The following LIMCH1 variants were observed in gnomAD, a reference collection of about 807,000 sequenced individuals.
LIMCH1 encodes LIM and calponin homology domains 1, also known as LIM and calponin homology domains-containing protein 1.
LIMCH1 carries 113 observed loss-of-function variants against 176.5 expected under a neutral mutation model. That is an observed-to-expected ratio of 0.64 (90% CI 0.55 to 0.75). LIMCH1 has a LOEUF of 0.75. Among genes scored for constraint, LIMCH1 ranks in the 30% least tolerant of loss-of-function variants. LIMCH1 has a pLI of 0.00. For missense variants in LIMCH1, 1,674 were observed against 1,814.9 expected, an observed-to-expected ratio of 0.92 and a Z score of 1.41; for synonymous variants, 619 against 645.9, an observed-to-expected ratio of 0.96 and a Z score of 0.63.
intron 18 of LIMCH1, among the ~76,000 whole-genome samples, chr4:41,654,760 G>A (rs1161268216): frequency 6.6e-6 from 1 of 152,118 alleles, no homozygotes; most frequent in African/African-American, 2.4e-5. Flanking sequence ...CCCACCAGAG[G>A]ACCCCAAGAA....
intron 1 of LIMCH1, among the ~76,000 whole-genome samples, chr4:41,450,203 T>C (rs1005973485): frequency 6.6e-6 from 1 of 152,224 alleles, no homozygotes; most frequent in African/African-American, 2.4e-5. Context: ...TTTGATACAC[T>C]TATAATGTCA....
At chr4:41,524,697 G>A (rs1354944393) in intron 3 of LIMCH1, among the ~76,000 whole-genome samples, 1 of 152,176 alleles carries the variant, frequency 6.6e-6, no homozygotes, top group Non-Finnish European at 1.5e-5. Context: ...TGAGTGATAA[G>A]GACCTTCATT....
chr4:41,487,685 G>T, intron 1 of LIMCH1, among the ~76,000 whole-genome samples: 1 of 129,298 alleles, frequency 7.7e-6, no homozygotes. Flanking sequence ...TTGAGACGGA[G>T]TCTCGCTCTG....
intron 1 of LIMCH1, among the ~76,000 whole-genome samples, chr4:41,598,528 T>TA (rs540403661): frequency 0.021 from 3,210 of 149,330 alleles, 67 homozygotes; most frequent in African/African-American, 0.062. Context: ...AAAACCTTTT[T>TA]AAAAAAAAAA....
intron 20 of LIMCH1, among the ~76,000 whole-genome samples, chr4:41,666,344 T>C (rs1392982523): frequency 1.3e-5 from 2 of 152,228 alleles, no homozygotes; most frequent in Non-Finnish European, 2.9e-5. Context: ...GTTTTTACGC[T>C]CATGTTTGAT....
intron 1 of LIMCH1, among the ~76,000 whole-genome samples, chr4:41,362,052 C>T (rs933034924): frequency 2.6e-5 from 4 of 152,162 alleles, no homozygotes; most frequent in Non-Finnish European, 5.9e-5. Context: ...CATTGTGGTT[C>T]CCAAGAAGCT....
In LIMCH1 at chr4:41,680,883, A is replaced by C. The variant is rs550050397; in HGVS notation, c.3613-72A>C. On this transcript the variant is annotated intron_variant, in intron 24 of 31. Coordinates refer to ENST00000503057, the MANE Select transcript of LIMCH1 (RefSeq NM_001330672.2). Reference sequence around the variant, plus strand: ...TTCTGATTTTTTTCTAAAGTGCCTTAATGACATTTTTGTCTTGACAAATAT... The same window carrying C: ...TTCTGATTTTTTTCTAAAGTGCCTTCATGACATTTTTGTCTTGACAAATAT... 132 of 817,840 alleles carry C rather than the reference A, an allele frequency of 1.6e-4. No homozygotes were observed. In the African/African-American group the frequency reaches 2.0e-3, roughly 13 times the overall value. The allele number at this position is 817,840 out of a possible 1,614,324, so 50.7% of individuals were successfully genotyped here.
Position 41,605,904 on chromosome 4 carries a change from C to A in LIMCH1, c.-92C>A, listed in dbSNP as rs1444826654. 5 of 1,611,396 alleles carry A rather than the reference C, an allele frequency of 3.1e-6. No homozygotes were observed. The highest frequency in any genetic ancestry group is 1.7e-5 in the Admixed American group (1 of 60,010). On this transcript the variant is annotated 5_prime_UTR_variant, in exon 4 of 32. Coordinates refer to ENST00000503057, the MANE Select transcript of LIMCH1 (RefSeq NM_001330672.2). Reference sequence around the variant, plus strand: ...CGTTTTGTTCCACAGGTATTAGTTACCATTTACTGGCTGGGAAAAGCAGCA... The same window carrying A: ...CGTTTTGTTCCACAGGTATTAGTTAACATTTACTGGCTGGGAAAAGCAGCA...
At chr4:41,551,993 G>T (rs1476002151) in intron 1 of LIMCH1, among the ~76,000 whole-genome samples, 3 of 152,160 alleles carry the variant, frequency 2.0e-5, no homozygotes, top group Non-Finnish European at 2.9e-5. Flanking sequence ...TTTAATGGAC[G>T]AACAGTTCCG....
upstream of LIMCH1, chr4:41,360,512 C>G (rs1262808112): frequency 6.0e-6 from 1 of 166,888 alleles, no homozygotes; most frequent in Non-Finnish European, 1.3e-5. The surrounding 1 kb of genome is among the most constrained non-coding windows in gnomAD (Gnocchi z 4.5). Flanking sequence ...ACGCAGCGCT[C>G]GCTCCGGGTT....
intron 1 of LIMCH1, among the ~76,000 whole-genome samples, chr4:41,409,439 A>G (rs373590350): frequency 2.0e-5 from 3 of 152,210 alleles, no homozygotes; most frequent in African/African-American, 7.2e-5. Flanking sequence ...TTTGAATGAT[A>G]CACTATTGAG....
chr4:41,383,465 G>A (rs1424251236), intron 1 of LIMCH1, among the ~76,000 whole-genome samples: 1 of 152,194 alleles, frequency 6.6e-6, no homozygotes, highest in East Asian at 1.9e-4. Context: ...TAAAGCCAGG[G>A]ATCTGTGGGC....
At chr4:41,614,316 G>A (rs574245663) in intron 5 of LIMCH1, among the ~76,000 whole-genome samples, 3 of 152,292 alleles carry the variant, frequency 2.0e-5, no homozygotes, top group East Asian at 1.9e-4. Context: ...TTACAAAAAT[G>A]TGTAATCATG....
intron 1 of LIMCH1, among the ~76,000 whole-genome samples, chr4:41,374,534 CTGTGTG>C (rs1488459043): frequency 6.6e-6 from 1 of 151,136 alleles, no homozygotes; most frequent in Non-Finnish European, 1.5e-5. Context: ...ATTTTAAACT[CTGTGTG>C]TGTGTTTAAT....
In LIMCH1 at chr4:41,363,120, C is replaced by G. The variant is rs560899710; in HGVS notation, c.96+2184C>G. Among the ~76,000 whole-genome samples, 5 of 152,298 alleles carry G rather than the reference C, an allele frequency of 3.3e-5. No homozygotes were observed. The South Asian group carries it at 8.3e-4, about 25-fold the overall frequency. On this transcript the variant is annotated intron_variant, in intron 1 of 26. Transcript: ENST00000313860. ...TCCAGGGGAAAGATAGAGACCTCCC[C>G]CTTCCTTCCCAGAGGTTCTTCTTGA...
At chr4:41,456,063 A>C (rs1189695578) in intron 1 of LIMCH1, among the ~76,000 whole-genome samples, 4 of 152,002 alleles carry the variant, frequency 2.6e-5, no homozygotes, top group Non-Finnish European at 5.9e-5. Context: ...TTTTGCCTGC[A>C]TGAGTTCTTG....
intron 15 of LIMCH1, 72 bp downstream of exon 15, chr4:41,644,698 C>T: frequency 6.5e-7 from 1 of 1,538,168 alleles, no homozygotes; most frequent in Non-Finnish European, 8.8e-7. Context: ...GGTGGGTAGA[C>T]GTGGACTTGA....
At chr4:41,632,919 G>A in intron 11 of LIMCH1, 52 bp downstream of exon 11, 1 of 1,529,344 alleles carries the variant, frequency 6.5e-7, no homozygotes, top group Non-Finnish European at 8.8e-7. Context: ...GACAGGTGGG[G>A]TCAGAGCCTC....
intron 4 of LIMCH1, chr4:41,612,657 T>C (rs1388893521): frequency 5.7e-5 from 40 of 702,154 alleles, no homozygotes; most frequent in Non-Finnish European, 1.0e-4. Context: ...TGTTTTAGTA[T>C]GTGCTGCTTG....
Sources: allele counts gnomAD v4.1 joint callset (sites outside exome capture counted in the v4.1 genomes callset), GRCh38; gene constraint gnomAD v4.1.1; non-coding constraint Gnocchi (gnomAD v3.1); transcripts MANE v1.5; gene names NCBI Gene and HGNC (gene_info 2026-07-23, HGNC 2026-07-21).